The following SHB variants were observed in gnomAD, a reference collection of about 807,000 sequenced individuals.
SHB encodes SH2 domain-containing adapter protein B.
Under a neutral mutation model 52.3 loss-of-function variants are expected in SHB, and 20 were observed. That is an observed-to-expected ratio of 0.38 (90% confidence interval 0.27 to 0.56). The LOEUF is 0.56. Ranked by LOEUF, SHB falls within the 20% of genes least tolerant of loss-of-function variation. SHB has a pLI of 0.71. For missense variants in SHB, 825 were observed against 723.3 expected, an observed-to-expected ratio of 1.14 and a Z score of -1.61; for synonymous variants, 397 against 316.5, an observed-to-expected ratio of 1.25 and a Z score of -2.70.
intron 3 of SHB, among the ~76,000 whole-genome samples, chr9:37,958,261 G>T (rs1321948772): frequency 6.6e-6 from 1 of 151,732 alleles, no homozygotes; most frequent in Non-Finnish European, 1.5e-5. Flanking sequence ...ACATTCTGCA[G>T]GCAGAGATGG....
intron 5 of SHB, among the ~76,000 whole-genome samples, chr9:37,946,415 A>T (rs1832492495): frequency 6.6e-6 from 1 of 152,176 alleles, no homozygotes; most frequent in African/African-American, 2.4e-5. Flanking sequence ...GGGACTGAGA[A>T]ATGTATTCTG....
At chr9:38,063,648 C>T (rs949742715) in intron 1 of SHB, among the ~76,000 whole-genome samples, 1 of 152,224 alleles carries the variant, frequency 6.6e-6, no homozygotes, top group East Asian at 1.9e-4. Flanking sequence ...TATTGTCTCT[C>T]TGGTTGTATC....
At position 37,972,006 on chromosome 9, in the gene SHB, A is replaced by C. The variant is rs571452285; in HGVS notation, c.1054+2616T>G. Among the ~76,000 whole-genome samples, 27 of 152,176 alleles carry C rather than the reference A, an allele frequency of 1.8e-4. No homozygotes were observed. In the South Asian group the frequency reaches 5.6e-3, roughly 32 times the overall value. The stretch of plus-strand genomic sequence containing the variant: ...ATGGGACCTGAGACCCTGCATTTCT[A>C]ACCAGCACTGGGTGAGGCCAATGCT... On this transcript the variant is annotated intron_variant, in intron 3 of 5. Coordinates refer to ENST00000377707, the MANE Select transcript of SHB (RefSeq NM_003028.3).
intron 1 of SHB, among the ~76,000 whole-genome samples, chr9:38,030,615 G>C (rs1821401696): frequency 6.6e-6 from 1 of 152,156 alleles, no homozygotes; most frequent in South Asian, 2.1e-4. Flanking sequence ...AGTGGCCTGT[G>C]CAGTCGCAAA....
chr9:37,954,129 A>G (rs1208545445), intron 4 of SHB, among the ~76,000 whole-genome samples: 1 of 152,238 alleles, frequency 6.6e-6, no homozygotes, highest in Non-Finnish European at 1.5e-5. Flanking sequence ...CAGTTTGATC[A>G]GAAATAAGCA....
chr9:38,058,816 T>G (rs1446389101), intron 1 of SHB, among the ~76,000 whole-genome samples: 6 of 152,180 alleles, frequency 3.9e-5, no homozygotes, highest in Admixed American at 2.6e-4. Context: ...TTCTTCCCTC[T>G]GCCTGGAATG....
chr9:38,047,589 T>TA (rs1169642754), intron 1 of SHB, among the ~76,000 whole-genome samples: 1 of 152,180 alleles, frequency 6.6e-6, no homozygotes, highest in Non-Finnish European at 1.5e-5. Flanking sequence ...GGACCACAAT[T>TA]ATAAACACAG....
At chr9:38,053,297 G>T (rs1821775291) in intron 1 of SHB, among the ~76,000 whole-genome samples, 2 of 152,028 alleles carry the variant, frequency 1.3e-5, no homozygotes, top group Non-Finnish European at 2.9e-5. Context: ...GAGTACAGTG[G>T]TGCGATCTCA....
rs1252106098 is a variant in SHB at position 38,068,484 on chromosome 9, G to A, written c.162C>T (p.Ser54=). 3 of 1,503,608 alleles carry A rather than the reference G, an allele frequency of 2.0e-6. No homozygotes were observed. Among genetic ancestry groups the A allele is most frequent in the Non-Finnish European group, 2.6e-6 (3 of 1,132,148 alleles). 93.1% of individuals were successfully genotyped at this position (1,503,608 alleles called of 1,614,324 possible). The change falls in exon 1 of 6, where the codon TCC becomes TCT. Residue 54 remains serine, a synonymous_variant. Coordinates refer to ENST00000377707, the MANE Select transcript of SHB (RefSeq NM_003028.3). ...VPQASSAASA[S]CGPATASCFS... is the part of the protein sequence containing the mutation. ...AGCAGGAGGCGGTGGCCGGACCGCA[G>A]GACGCCGAGGCGGCGGAGGAGGCCT...
intron 1 of SHB, among the ~76,000 whole-genome samples, chr9:38,028,594 C>T (rs974632321): frequency 6.6e-6 from 1 of 152,202 alleles, no homozygotes; most frequent in Admixed American, 6.5e-5. Context: ...GGAACTCCAG[C>T]CAGAAGGCCT....
At chr9:38,048,506 T>C (rs1288096788) in intron 1 of SHB, among the ~76,000 whole-genome samples, 1 of 152,070 alleles carries the variant, frequency 6.6e-6, no homozygotes, top group African/African-American at 2.4e-5. Context: ...TGGTGGTGAG[T>C]GCCTGTAGTC....
chr9:37,951,983 G>C (rs1003205501), intron 4 of SHB, among the ~76,000 whole-genome samples: 99 of 152,192 alleles, frequency 6.5e-4, no homozygotes, highest in Non-Finnish European at 4.0e-4. Context: ...TCATCTCAGG[G>C]ATGGGCTGGA....
At chr9:38,016,218 G>C in intron 1 of SHB, 87 bp from the exon 2 acceptor site, 2 of 1,440,094 alleles carry the variant, frequency 1.4e-6, no homozygotes, top group East Asian at 4.6e-5. Flanking sequence ...GCCTCAGCTA[G>C]ATGAGCAAGG....
At position 37,919,816 on chromosome 9, in the gene SHB, T is replaced by C. The variant is rs768765824; in HGVS notation, c.*5A>G. The C allele has an allele frequency of 3.1e-6, 5 of 1,612,292 alleles. No homozygotes were observed. The Admixed American group carries it at 6.7e-5, about 21-fold the overall frequency. On this transcript the variant is annotated 3_prime_UTR_variant, in exon 6 of 6. Coordinates refer to ENST00000377707, the MANE Select transcript of SHB (RefSeq NM_003028.3). ...CTGTCACAGAGCAGGGCAGGTCTGG[T>C]CCGCTCACAGGGTCCTCACAGCCAC...
chr9:37,932,513 C>T (rs1194896443), intron 5 of SHB, among the ~76,000 whole-genome samples: 2 of 138,644 alleles, frequency 1.4e-5, no homozygotes, highest in Non-Finnish European at 3.0e-5. Flanking sequence ...ACAAATTGTA[C>T]TTCATATGGG....
At chr9:37,984,331 G>A (rs1215508190) in intron 2 of SHB, among the ~76,000 whole-genome samples, 2 of 152,176 alleles carry the variant, frequency 1.3e-5, no homozygotes, top group Admixed American at 1.3e-4. Flanking sequence ...TGCCATTTCT[G>A]GGTCCACAAC....
intron 4 of SHB, among the ~76,000 whole-genome samples, chr9:37,949,810 A>G (rs1456792989): frequency 6.6e-6 from 1 of 152,238 alleles, no homozygotes; most frequent in African/African-American, 2.4e-5. Flanking sequence ...TGGGAATCCC[A>G]GCATTACTGC....
chr9:38,023,295 C>G (rs1235318952), intron 1 of SHB, among the ~76,000 whole-genome samples: 1 of 152,194 alleles, frequency 6.6e-6, no homozygotes, highest in Non-Finnish European at 1.5e-5. Context: ...CTCTGAGTTT[C>G]GGCAGGTCAC....
At chr9:37,969,867 G>A (rs1381340188) in intron 3 of SHB, among the ~76,000 whole-genome samples, 8 of 152,218 alleles carry the variant, frequency 5.3e-5, no homozygotes, top group African/African-American at 1.9e-4. Context: ...CATAGGCCTC[G>A]TGTGGGCCCA....
Sources: gnomAD v4.1 joint callset for allele counts (sites outside exome capture counted in the v4.1 genomes callset) on GRCh38, gnomAD v4.1.1 for gene constraint, MANE v1.5 for transcripts, NCBI Gene and HGNC (gene_info 2026-07-23, HGNC 2026-07-21) for gene names.